SLC35F4: variants seen among roughly 807,000 people sequenced by gnomAD.
The protein encoded by SLC35F4 is solute carrier family 35 member F4.
In SLC35F4, 24 loss-of-function variants were observed where a neutral mutation model predicts 44.2. The observed-to-expected ratio is 0.54, with a 90% confidence interval of 0.39 to 0.76. The LOEUF (loss-of-function observed/expected upper bound fraction) is 0.76, where lower values mean the gene tolerates loss of function less well. SLC35F4 is among the 30% of genes least tolerant of loss of function. The pLI is 0.00. For synonymous variants in SLC35F4, 238 were observed against 223.6 expected, an observed-to-expected ratio of 1.06 and a Z score of -0.57; for missense variants, 562 against 586.1, an observed-to-expected ratio of 0.96 and a Z score of 0.42.
chr14:57,570,375 T>C (rs2068435915), intron 5 of SLC35F4, among the ~76,000 whole-genome samples: 1 of 152,204 alleles, frequency 6.6e-6, no homozygotes, highest in Non-Finnish European at 1.5e-5. Context: ...TGATAGATAC[T>C]GAAAACTAAA....
At chr14:57,771,477 C>G (rs1014133633) in intron 1 of SLC35F4, among the ~76,000 whole-genome samples, 1 of 152,176 alleles carries the variant, frequency 6.6e-6, no homozygotes, top group Non-Finnish European at 1.5e-5. Flanking sequence ...TTTCTGTCAA[C>G]ATAAAAAAGA....
chr14:57,878,971 CAG>C (rs1325878659), intron 1 of SLC35F4, among the ~76,000 whole-genome samples: 16 of 152,040 alleles, frequency 1.1e-4, no homozygotes, highest in Non-Finnish European at 2.4e-4. Flanking sequence ...ATTGACAAAC[CAG>C]CACTTGGGCC....
intron 1 of SLC35F4, among the ~76,000 whole-genome samples, chr14:57,773,695 C>A (rs922412834): frequency 6.6e-6 from 1 of 151,642 alleles, no homozygotes; most frequent in Non-Finnish European, 1.5e-5. Flanking sequence ...TTTAACATGA[C>A]CTGAAACATG....
chr14:57,655,802 T>C (rs1485990204), intron 1 of SLC35F4, among the ~76,000 whole-genome samples: 1 of 152,096 alleles, frequency 6.6e-6, no homozygotes. Context: ...TCACAACCAA[T>C]TACCAACAGT....
chr14:57,585,984 C>A (rs2069686677), intron 3 of SLC35F4, among the ~76,000 whole-genome samples: 1 of 152,136 alleles, frequency 6.6e-6, no homozygotes, highest in Admixed American at 6.5e-5. Context: ...CTACTTTAAA[C>A]TTCATCTGAA....
chr14:57,896,205 T>A (rs1031056448), intron 1 of SLC35F4, among the ~76,000 whole-genome samples: 3 of 152,128 alleles, frequency 2.0e-5, no homozygotes, highest in African/African-American at 7.2e-5. Context: ...AATCAGTAAT[T>A]TAGGCAAGAA....
At chr14:57,636,085 A>G (rs556886960) in intron 1 of SLC35F4, among the ~76,000 whole-genome samples, 1 of 152,262 alleles carries the variant, frequency 6.6e-6, no homozygotes, top group Admixed American at 6.5e-5. Flanking sequence ...CTGCCACAGC[A>G]AACCAATGTT....
Position 57,746,853 on chromosome 14 carries a change from T to C in SLC35F4, c.103+118870A>G, listed in dbSNP as rs975977532. ...AAAATATGTTTTTTAAACGACAGAATGGTTGTTATAAAAGGGTAAAGAGTG... is the reference window on the plus strand; with the variant it reads ...AAAATATGTTTTTTAAACGACAGAACGGTTGTTATAAAAGGGTAAAGAGTG... On this transcript the variant is annotated intron_variant, in intron 1 of 7. Transcript: ENST00000556826. Among the ~76,000 whole-genome samples, 5 of 152,232 alleles carry C rather than the reference T, an allele frequency of 3.3e-5. No individual in the cohort carries two copies. In the South Asian group the frequency reaches 1.0e-3, roughly 32 times the overall value.
At chr14:57,917,623 G>A (rs531926040) in intron 1 of SLC35F4, among the ~76,000 whole-genome samples, 4 of 152,126 alleles carry the variant, frequency 2.6e-5, no homozygotes, top group African/African-American at 9.6e-5. Context: ...GGTAATGTGG[G>A]GGTGGGGTGG....
chr14:57,861,879 G>A (rs1385000607), intron 1 of SLC35F4, among the ~76,000 whole-genome samples: 1 of 151,874 alleles, frequency 6.6e-6, no homozygotes, highest in Non-Finnish European at 1.5e-5. Flanking sequence ...CAATTCTTCT[G>A]CCTCTTCTCT....
At chr14:57,719,068 T>C (rs1382007366) in intron 1 of SLC35F4, among the ~76,000 whole-genome samples, 1 of 152,328 alleles carries the variant, frequency 6.6e-6, no homozygotes, top group South Asian at 2.1e-4. Context: ...TATCTAGTTT[T>C]CTCAGCAGCA....
At chr14:57,806,564 T>C (rs181564341) in intron 1 of SLC35F4, among the ~76,000 whole-genome samples, 167 of 152,334 alleles carry the variant, frequency 1.1e-3, no homozygotes, top group African/African-American at 3.7e-3. Flanking sequence ...TTCTCCCAGA[T>C]AGCTTCAAAT....
At chr14:57,949,088 TTCTGTCTTGATTA>T (rs1257423334) in intron 1 of SLC35F4, among the ~76,000 whole-genome samples, 1 of 152,146 alleles carries the variant, frequency 6.6e-6, no homozygotes, top group Admixed American at 6.5e-5. Flanking sequence ...TTTGTTGACT[TTCTGTCTTGATTA>T]TCTGTCTAGT....
chr14:57,731,613 A>T (rs1462465167), intron 1 of SLC35F4, among the ~76,000 whole-genome samples: 1 of 152,182 alleles, frequency 6.6e-6, no homozygotes, highest in East Asian at 1.9e-4. Flanking sequence ...GAGACTTTGT[A>T]CCTGTCTCTC....
At chr14:57,846,353 A>T (rs186558865) in intron 1 of SLC35F4, among the ~76,000 whole-genome samples, 5 of 152,296 alleles carry the variant, frequency 3.3e-5, no homozygotes, top group African/African-American at 4.8e-5. Flanking sequence ...ATAAATTTCC[A>T]TGTTGCCTGA....
intron 1 of SLC35F4, among the ~76,000 whole-genome samples, chr14:57,685,263 T>C (rs1422645517): frequency 6.6e-6 from 1 of 152,024 alleles, no homozygotes; most frequent in Non-Finnish European, 1.5e-5. Flanking sequence ...AACCAGCAGA[T>C]AAAAAAGTCA....
chr14:57,845,279 C>T (rs1197162548), intron 1 of SLC35F4, among the ~76,000 whole-genome samples: 2 of 152,202 alleles, frequency 1.3e-5, no homozygotes, highest in Non-Finnish European at 2.9e-5. Context: ...TGCCCTGACA[C>T]CTGGTAGCTA....
At chr14:57,740,729 T>A (rs2076585076) in intron 1 of SLC35F4, among the ~76,000 whole-genome samples, 1 of 152,204 alleles carries the variant, frequency 6.6e-6, no homozygotes, top group South Asian at 2.1e-4. Context: ...TATTTACAGA[T>A]CATATGAATA....
chr14:57,600,691 CAAAAAAAAA>C (rs67819924), intron 1 of SLC35F4, among the ~76,000 whole-genome samples: 6 of 55,404 alleles, frequency 1.1e-4, no homozygotes, highest in African/African-American at 2.3e-4. Flanking sequence ...GACTCCATCT[CAAAAAAAAA>C]AAAAAAAAAA....
Sources: gnomAD v4.1 joint callset for allele counts (sites outside exome capture counted in the v4.1 genomes callset) on GRCh38, gnomAD v4.1.1 for gene constraint, MANE v1.5 for transcripts, NCBI Gene and HGNC (gene_info 2026-07-23, HGNC 2026-07-21) for gene names.